Variants in MYL11 observed in about 807,000 individuals in gnomAD.
The protein encoded by MYL11 is myosin light chain 11.
the MYL11 span, among the ~76,000 whole-genome samples, chr16:30,374,168 A>T: frequency 6.6e-6 from 1 of 151,878 alleles, no homozygotes; most frequent in Non-Finnish European, 1.5e-5. Flanking sequence ...GAAAAAAAAA[A>T]TTAGCCTGGC....
the MYL11 span, chr16:30,376,558 G>T: frequency 6.2e-7 from 1 of 1,613,554 alleles, no homozygotes; most frequent in East Asian, 2.2e-5. Context: ...CCAAGGCCCC[G>T]GCTGCCTTTT....
the MYL11 span, chr16:30,374,976 C>G: frequency 7.5e-7 from 1 of 1,330,268 alleles, no homozygotes; most frequent in Non-Finnish European, 1.0e-6. Flanking sequence ...ATGCTCATCT[C>G]TTTCTCGGCA....
At chr16:30,374,758 C>T in the MYL11 span, 3 of 1,486,520 alleles carry the variant, frequency 2.0e-6, no homozygotes, top group East Asian at 4.8e-5. Flanking sequence ...GTTAAGGGCT[C>T]CCTGGGGCAG....
the MYL11 span, among the ~76,000 whole-genome samples, chr16:30,374,173 C>T: frequency 1.3e-5 from 2 of 151,764 alleles, no homozygotes; most frequent in Non-Finnish European, 2.9e-5. Flanking sequence ...AAAAAATTAG[C>T]CTGGCTTCGT....
At chr16:30,377,623 T>C in the MYL11 span, 2 of 1,451,942 alleles carry the variant, frequency 1.4e-6, no homozygotes, top group Non-Finnish European at 1.8e-6. Flanking sequence ...AGGAACCCAA[T>C]CGCAACTCCC....
At chr16:30,372,668 C>A in the MYL11 span, among the ~76,000 whole-genome samples, 1 of 150,542 alleles carries the variant, frequency 6.6e-6, no homozygotes, top group African/African-American at 2.5e-5. Flanking sequence ...CTTTTAGGGT[C>A]TTTTCCTCCC....
the MYL11 span, chr16:30,375,973 C>A: frequency 6.4e-7 from 1 of 1,562,428 alleles, no homozygotes; most frequent in Non-Finnish European, 8.8e-7. Flanking sequence ...GGCCCTCTCC[C>A]TGGAATGTGC....
the MYL11 span, among the ~76,000 whole-genome samples, chr16:30,373,278 G>A: frequency 2.6e-5 from 4 of 152,020 alleles, no homozygotes; most frequent in Non-Finnish European, 4.4e-5. Context: ...CCAACATGGT[G>A]AAACGCCATC....
the MYL11 span, chr16:30,374,764 G>T: frequency 6.6e-7 from 1 of 1,520,958 alleles, no homozygotes; most frequent in Non-Finnish European, 8.9e-7. Flanking sequence ...GGCTCCCTGG[G>T]GCAGGACTAT....
At chr16:30,371,077 T>C in the MYL11 span, 1 of 152,234 alleles carries the variant, frequency 6.6e-6, no homozygotes, top group African/African-American at 2.4e-5. Context: ...CCAATGATCG[T>C]GTTCTCCCAC....
At chr16:30,375,883 G>C in the MYL11 span, 1 of 1,614,028 alleles carries the variant, frequency 6.2e-7, no homozygotes, top group Non-Finnish European at 8.5e-7. Context: ...CTCCATGTTC[G>C]ACCAGACTCA....
the MYL11 span, among the ~76,000 whole-genome samples, chr16:30,371,616 C>T: frequency 1.3e-5 from 2 of 152,142 alleles, no homozygotes; most frequent in South Asian, 4.1e-4. Context: ...GTTCCTCAGA[C>T]CTTATCCCTC....
chr16:30,375,692 A>G, the MYL11 span: 6 of 713,590 alleles, frequency 8.4e-6, no homozygotes, highest in Admixed American at 2.9e-5. Context: ...GTCCCAAGGA[A>G]GGGGAGACTC....
At chr16:30,371,640 C>T in the MYL11 span, among the ~76,000 whole-genome samples, 1 of 152,124 alleles carries the variant, frequency 6.6e-6, no homozygotes, top group Admixed American at 6.6e-5. Flanking sequence ...GTACCCCCTC[C>T]ATTTCTTCTA....
At chr16:30,375,337 T>C in the MYL11 span, among the ~76,000 whole-genome samples, 3 of 151,886 alleles carry the variant, frequency 2.0e-5, no homozygotes, top group African/African-American at 7.3e-5. Flanking sequence ...TGGTGGTGCA[T>C]GCCTGTAATC....
chr16:30,371,663 A>C, the MYL11 span, among the ~76,000 whole-genome samples: 1 of 152,122 alleles, frequency 6.6e-6, no homozygotes, highest in African/African-American at 2.4e-5. Context: ...GGGGATCTCA[A>C]ACCCCAAATC....
the MYL11 span, chr16:30,377,980 C>CT: frequency 3.5e-6 from 5 of 1,409,074 alleles, no homozygotes; most frequent in Non-Finnish European, 2.9e-6. Flanking sequence ...TTTAACTGAT[C>CT]TTTGTTTCTT....
the MYL11 span, chr16:30,376,099 G>A: frequency 3.8e-5 from 60 of 1,598,338 alleles, no homozygotes; most frequent in African/African-American, 7.2e-4. Context: ...GGATGCTGAG[G>A]CTGGGCCATG....
the MYL11 span, chr16:30,374,765 GC>G: frequency 1.3e-6 from 2 of 1,522,264 alleles, no homozygotes; most frequent in Non-Finnish European, 8.9e-7. Flanking sequence ...GCTCCCTGGG[GC>G]AGGACTATAT....
Sources: allele counts gnomAD v4.1 joint callset (sites outside exome capture counted in the v4.1 genomes callset), GRCh38; gene constraint gnomAD v4.1.1; transcripts MANE v1.5; gene names NCBI Gene and HGNC (gene_info 2026-07-23, HGNC 2026-07-21).